Variants in GAREM1 observed in about 807,000 individuals in gnomAD.
GAREM1 encodes GRB2 associated regulator of MAPK1 subtype 1, also known as GRB2-associated and regulator of MAPK protein 1.
GAREM1 carries 26 observed loss-of-function variants against 71.3 expected under a neutral mutation model. The observed-to-expected ratio is 0.36, with a 90% CI of 0.27 to 0.51. The LOEUF (loss-of-function observed/expected upper bound fraction) is 0.51. GAREM1 is among the 20% of genes least tolerant of loss of function. GAREM1 has a pLI of 0.95. For synonymous variants in GAREM1, 440 were observed against 433.2 expected (o/e 1.02, Z -0.20); for missense variants, 1,026 against 1,103.1 (o/e 0.93, Z 0.99).
At chr18:32,381,524 GT>G (rs1194717438) in intron 2 of GAREM1, among the ~76,000 whole-genome samples, 2 of 151,964 alleles carry the variant, frequency 1.3e-5, no homozygotes, top group Non-Finnish European at 2.9e-5. Flanking sequence ...CCTAAGTATC[GT>G]TTTTTTCCTC....
intron 4 of GAREM1, among the ~76,000 whole-genome samples, chr18:32,284,709 C>T (rs73421913): frequency 6.6e-6 from 1 of 151,882 alleles, no homozygotes; most frequent in African/African-American, 2.4e-5. Context: ...ATTAAGACAT[C>T]CCTCAAGTTC....
rs758345487 is a variant in GAREM1 at position 32,267,890 on chromosome 18, C to T, written c.2612G>A (p.Gly871Asp). The change falls in exon 6 of 6, where the codon GGC (glycine) becomes GAC (aspartate). Residue 871 changes from glycine (G) to aspartate (D), a missense_variant. Physicochemically the swap from Gly to Asp is moderately conservative, Grantham distance 94. Around this residue, in one of 3 missense-constraint regions of GAREM1, gnomAD observed 636 missense variants for 631.2 expected, o/e 1.01. Transcript: ENST00000269209. ...ATTTGGCTATATTTTGGGCCTCCAG[C>T]CATTAATGAATTGCATTATCTTCTT... ...QVKKIMQFIN[G>D]WRPKI 2 of 1,611,178 alleles carry T rather than the reference C, an allele frequency of 1.2e-6. No homozygotes were observed. Among genetic ancestry groups the T allele is most frequent in the South Asian group, 2.2e-5 (2 of 90,866 alleles).
At chr18:32,441,839 AAAAT>A (rs1408017817) in intron 1 of GAREM1, among the ~76,000 whole-genome samples, 1 of 152,210 alleles carries the variant, frequency 6.6e-6, no homozygotes, top group Non-Finnish European at 1.5e-5. Context: ...CTTGCATTCC[AAAAT>A]ACAGCAAACT....
intron 2 of GAREM1, among the ~76,000 whole-genome samples, chr18:32,312,485 G>C (rs913656294): frequency 1.2e-4 from 19 of 152,154 alleles, no homozygotes; most frequent in Non-Finnish European, 2.6e-4. Flanking sequence ...ACTTCAACAA[G>C]GGCAGCAGAA....
chr18:32,282,462 G>T (rs1219013024), intron 4 of GAREM1, among the ~76,000 whole-genome samples: 1 of 152,182 alleles, frequency 6.6e-6, no homozygotes, highest in Non-Finnish European at 1.5e-5. Flanking sequence ...CTGATCACTG[G>T]GTGCTGGGGT....
intron 1 of GAREM1, among the ~76,000 whole-genome samples, chr18:32,455,277 C>A (rs2048876663): frequency 6.6e-6 from 1 of 151,898 alleles, no homozygotes; most frequent in African/African-American, 2.4e-5. Flanking sequence ...AATATAAGTC[C>A]ATGAAAAACT....
chr18:32,288,320 A>T (rs1442299365), intron 3 of GAREM1, 117 bp from the exon 4 acceptor site: 7 of 753,502 alleles, frequency 9.3e-6, no homozygotes, highest in Middle Eastern at 2.9e-4. Flanking sequence ...CTTTTCTTTA[A>T]TACTAAATTT....
intron 1 of GAREM1, among the ~76,000 whole-genome samples, chr18:32,462,759 G>C (rs2048964176): frequency 6.6e-6 from 1 of 152,106 alleles, no homozygotes; most frequent in South Asian, 2.1e-4. Flanking sequence ...TTACATTTAA[G>C]TCTTTAATCC....
intron 2 of GAREM1, among the ~76,000 whole-genome samples, chr18:32,376,822 G>A (rs1281228434): frequency 3.9e-5 from 6 of 152,018 alleles, no homozygotes; most frequent in Non-Finnish European, 8.8e-5. Flanking sequence ...TGGGCAACAA[G>A]AGCAAAACTG....
intron 1 of GAREM1, among the ~76,000 whole-genome samples, chr18:32,398,666 C>T (rs2048281642): frequency 1.3e-5 from 2 of 152,080 alleles, no homozygotes; most frequent in African/African-American, 2.4e-5. Flanking sequence ...GAAATTGAGG[C>T]AATAATTAAT....
At chr18:32,358,172 C>T (rs1342203337) in intron 2 of GAREM1, among the ~76,000 whole-genome samples, 1 of 135,980 alleles carries the variant, frequency 7.4e-6, no homozygotes, top group Non-Finnish European at 1.5e-5. Context: ...CACACGGAGG[C>T]TTTCACAGGG....
At chr18:32,338,938 C>T (rs1200847893) in intron 2 of GAREM1, among the ~76,000 whole-genome samples, 1 of 152,190 alleles carries the variant, frequency 6.6e-6, no homozygotes, top group African/African-American at 2.4e-5. Context: ...GCTCATCCAA[C>T]CAGCTGAAGG....
chr18:32,278,045 T>G (rs79145504), intron 4 of GAREM1, among the ~76,000 whole-genome samples: 2,693 of 152,312 alleles, frequency 0.018, 86 homozygotes, highest in African/African-American at 0.06. Context: ...GGAAAGCCTT[T>G]GTTTTTCACA....
rs568760197 is a variant in GAREM1 at position 32,270,282 on chromosome 18, T to C, written c.1668A>G (p.Pro556=). 3.7e-6 allele frequency: 6 copies of C among 1,614,024 alleles called. No homozygotes were observed. The East Asian group carries it at 1.3e-4, about 36-fold the overall frequency. ...SPSIPPRTVK[P]ARQQTRSPSP... is the part of the protein sequence containing the mutation. ...TGGGAGAGCGAGTCTGTTGCCGCGC[T>C]GGCTTGACTGTGCGAGGAGGGATGG... Residue 556 remains proline (P), a synonymous_variant, in exon 5 of 6, where the codon CCA becomes CCG. Coordinates refer to ENST00000269209, the MANE Select transcript of GAREM1 (RefSeq NM_001242409.2).
intron 1 of GAREM1, among the ~76,000 whole-genome samples, chr18:32,426,318 C>T (rs2048575198): frequency 6.6e-6 from 1 of 152,176 alleles, no homozygotes; most frequent in African/African-American, 2.4e-5. Context: ...CATGCCCGGC[C>T]TCTTTCTTTA....
intron 2 of GAREM1, among the ~76,000 whole-genome samples, chr18:32,337,127 T>G (rs962629200): frequency 6.6e-6 from 1 of 152,202 alleles, no homozygotes; most frequent in Non-Finnish European, 1.5e-5. Context: ...CCATACAGAA[T>G]TAGACATGGG....
intron 4 of GAREM1, among the ~76,000 whole-genome samples, chr18:32,277,197 T>C (rs1229362471): frequency 6.6e-6 from 1 of 152,082 alleles, no homozygotes; most frequent in Non-Finnish European, 1.5e-5. Flanking sequence ...TCAGGAATTG[T>C]CTGGAAAGAA....
intron 4 of GAREM1, among the ~76,000 whole-genome samples, chr18:32,282,833 G>A (rs2046968550): frequency 2.0e-5 from 3 of 152,272 alleles, no homozygotes; most frequent in Admixed American, 1.3e-4. Context: ...CTCCAAAATG[G>A]CATTTTCTAA....
chr18:32,330,400 A>C (rs2144555137), intron 2 of GAREM1, among the ~76,000 whole-genome samples: 1 of 152,294 alleles, frequency 6.6e-6, no homozygotes, highest in East Asian at 1.9e-4. Flanking sequence ...ACTATTGGGT[A>C]CTAGGCTCAC....
Sources: allele counts gnomAD v4.1 joint callset (sites outside exome capture counted in the v4.1 genomes callset), GRCh38; gene constraint gnomAD v4.1.1; regional missense constraint gnomAD v4.1.1; transcripts MANE v1.5; gene names NCBI Gene and HGNC (gene_info 2026-07-23, HGNC 2026-07-21).